Variants in ANKRD36B observed in about 807,000 individuals in gnomAD.
The protein encoded by ANKRD36B is ankyrin repeat domain-containing protein 36B.
A neutral mutation model predicts 135.7 loss-of-function variants in ANKRD36B; 37 were observed. The ratio of observed to expected loss-of-function variants is 0.27; its 90% confidence interval spans 0.21 to 0.36. ANKRD36B has a LOEUF of 0.36. Among genes scored for constraint, ANKRD36B ranks in the 10% least tolerant of loss-of-function variants. ANKRD36B has a pLI of 1.00. For synonymous variants in ANKRD36B, 179 were observed against 348.1 expected (o/e 0.51, Z 5.41); for missense variants, 549 against 1,037.1 (o/e 0.53, Z 6.46).
At chr2:97,545,319 C>T (rs560075542) in intron 24 of ANKRD36B, among the ~76,000 whole-genome samples, 1 of 95,358 alleles carries the variant, frequency 1.0e-5, no homozygotes, top group East Asian at 2.3e-4. Context: ...TACAATCTGA[C>T]ACCTCTAATA....
Position 97,529,690 on chromosome 2 carries a change from A to C in ANKRD36B, c.2265+2621T>G, listed in dbSNP as rs572830897. Among the ~76,000 whole-genome samples, 97 of 96,492 alleles carry C rather than the reference A, an allele frequency of 1.0e-3. 37 individuals carry two copies. Among genetic ancestry groups the C allele is most frequent in the South Asian group, 7.0e-4 (3 of 4,270 alleles). The allele number at this position is 96,492 out of a possible 152,430, so 63.3% of individuals were successfully genotyped here. Reference sequence around the variant, plus strand: ...AGCCCAAAATCTCCTTAAGCTGATCAGCAACTTCAGCAAAGTCTCAGGATA... The same window carrying C: ...AGCCCAAAATCTCCTTAAGCTGATCCGCAACTTCAGCAAAGTCTCAGGATA... On this transcript the variant is annotated intron_variant, in intron 35 of 43. Transcript: ENST00000359901.
intron 6 of ANKRD36B, among the ~76,000 whole-genome samples, chr2:97,563,384 C>T (rs2442259): frequency 1.3e-5 from 2 of 151,784 alleles, no homozygotes; most frequent in Non-Finnish European, 2.9e-5. Context: ...AATATTTTCA[C>T]TTGTAATGAA....
Position 97,578,907 on chromosome 2 carries a change from C to G in ANKRD36B, c.694G>C (p.Val232Leu), listed in dbSNP as rs1170777398. 1 of 1,612,518 alleles carries G rather than the reference C, an allele frequency of 6.2e-7. No homozygotes were observed. The highest frequency in any genetic ancestry group is 8.5e-7 in the Non-Finnish European group (1 of 1,178,954). Residue 232 changes from valine to leucine, a missense_variant and splice_region_variant, in exon 5 of 44, where the codon GTC becomes CTC. Physicochemically the swap from Val to Leu is conservative, Grantham distance 32. Coordinates refer to ENST00000359901, the MANE Select transcript of ANKRD36B (RefSeq NM_001393939.1). ...EDYASEAENR[V>L]IFDLIYEYKR... is the part of the protein sequence containing the mutation. ...TAGCCTTTTTACGTAAAGACTTACACTCTATTCTCAGCCTCACTGGCATAA... is the reference window on the plus strand; with the variant it reads ...TAGCCTTTTTACGTAAAGACTTACAGTCTATTCTCAGCCTCACTGGCATAA...
intron 1 of ANKRD36B, among the ~76,000 whole-genome samples, chr2:97,586,361 AG>A (rs2082994311): frequency 6.6e-6 from 1 of 151,804 alleles, no homozygotes; most frequent in Non-Finnish European, 1.5e-5. Context: ...TGGCAGTTAA[AG>A]GTTATCTTTC....
Position 97,566,885 on chromosome 2 carries a change from T to A in ANKRD36B, c.764-6025A>T, listed in dbSNP as rs568244645. Among the ~76,000 whole-genome samples, 3 of 152,230 alleles carry A rather than the reference T, an allele frequency of 2.0e-5. No homozygotes were observed. In the South Asian group the frequency reaches 6.2e-4, roughly 32 times the overall value. The stretch of plus-strand genomic sequence containing the variant: ...GCAACAAGCAAACAATCAATTCCTA[T>A]GGGTGCCCTGTAATTCTGGCACTAT... On this transcript the variant is annotated intron_variant, in intron 6 of 43. Transcript: ENST00000359901.
intron 43 of ANKRD36B, among the ~76,000 whole-genome samples, chr2:97,496,322 G>T (rs2077304572): frequency 1.0e-5 from 1 of 97,998 alleles, no homozygotes; most frequent in South Asian, 2.3e-4. Flanking sequence ...GGTTCATGAG[G>T]TTTAAGAAAA....
At chr2:97,586,295 ATTAGGTATT>A (rs1559254123) in intron 1 of ANKRD36B, among the ~76,000 whole-genome samples, 1 of 152,182 alleles carries the variant, frequency 6.6e-6, no homozygotes, top group Non-Finnish European at 1.5e-5. Context: ...TGTTATGTAA[ATTAGGTATT>A]TGCAATGATT....
intron 12 of ANKRD36B, among the ~76,000 whole-genome samples, chr2:97,555,579 G>A (rs908513538): frequency 3.0e-4 from 46 of 151,860 alleles, no homozygotes; most frequent in African/African-American, 1.0e-3. Context: ...ATACACCTGA[G>A]AATCAATGTC....
rs559241346 is a variant in ANKRD36B at position 97,547,459 on chromosome 2, C to T, written c.1579+77G>A. ...CAGAATGTGCAGCTTCAACGAGCCC[C>T]CCGCAGATTTATTCAGGGAAGAGAA... On this transcript the variant is annotated intron_variant, in intron 22 of 43. Coordinates refer to ENST00000359901, the MANE Select transcript of ANKRD36B (RefSeq NM_001393939.1). 2.9e-6 allele frequency: 4 copies of T among 1,397,962 alleles called. No individual in the cohort carries two copies. The African/African-American group carries it at 4.3e-5, about 15-fold the overall frequency. The allele number at this position is 1,397,962 out of a possible 1,614,324, so 86.6% of individuals were successfully genotyped here.
At chr2:97,545,779 T>A in intron 23 of ANKRD36B, 41 bp from the exon 24 acceptor site, 2 of 957,770 alleles carry the variant, frequency 2.1e-6, no homozygotes, top group Non-Finnish European at 3.2e-6. Context: ...AAATAAAGTA[T>A]ATTTCATAGA....
intron 34 of ANKRD36B, among the ~76,000 whole-genome samples, chr2:97,535,484 A>G (rs981963552): frequency 3.0e-5 from 2 of 67,424 alleles, no homozygotes; most frequent in Non-Finnish European, 7.2e-5. Context: ...ACAAAAAAAT[A>G]AAACACACAC....
In ANKRD36B at chr2:97,551,307, C is replaced by T; in HGVS notation, c.1357G>A (p.Gly453Arg). 6.4e-7 allele frequency: 1 copy of T among 1,569,108 alleles called. No homozygotes were observed. The highest frequency in any genetic ancestry group is 8.6e-7 in the Non-Finnish European group (1 of 1,160,438). The change falls in exon 18 of 44, where the codon GGA becomes AGA. Residue 453 changes from glycine (G) to arginine (R), a missense_variant. Gly to Arg is a moderately radical substitution (Grantham distance 125, BLOSUM62 -2). Transcript: ENST00000359901. ...FSNITREKKD[G>R]EISRTVSSQK... ...AAATTACCTGTCCTAGATATTTCTC[C>T]ATCCTTTTTTTCTCTGGTTATATTC...
At chr2:97,551,173 T>C in intron 18 of ANKRD36B, 116 bp downstream of exon 18, 1 of 1,374,806 alleles carries the variant, frequency 7.3e-7, no homozygotes, top group South Asian at 1.3e-5. Flanking sequence ...AAATGAAGAA[T>C]CTCAGGCCTG....
At chr2:97,560,882 T>A in intron 6 of ANKRD36B, 22 bp from the exon 7 acceptor site, 1 of 1,542,300 alleles carries the variant, frequency 6.5e-7, no homozygotes, top group Non-Finnish European at 8.8e-7. Flanking sequence ...AAGGGATACA[T>A]AATCAATCAT....
intron 6 of ANKRD36B, among the ~76,000 whole-genome samples, chr2:97,563,070 T>C (rs937951489): frequency 3.3e-5 from 5 of 152,076 alleles, no homozygotes; most frequent in African/African-American, 1.2e-4. Context: ...ACACAACACT[T>C]TGTGGAGCTA....
intron 14 of ANKRD36B, among the ~76,000 whole-genome samples, chr2:97,553,667 G>C (rs2080253716): frequency 6.6e-6 from 1 of 151,896 alleles, no homozygotes; most frequent in South Asian, 2.1e-4. Context: ...CATGACAAAT[G>C]CGATCAAAAA....
intron 10 of ANKRD36B, among the ~76,000 whole-genome samples, chr2:97,557,723 G>A (rs1187964901): frequency 6.6e-6 from 1 of 151,774 alleles, no homozygotes; most frequent in African/African-American, 2.4e-5. Context: ...AACCCATGTG[G>A]TGTAATAATG....
chr2:97,513,131 T>A (rs1445126644), intron 38 of ANKRD36B, 49 bp downstream of exon 38: 1 of 1,439,918 alleles, frequency 6.9e-7, no homozygotes, highest in Non-Finnish European at 9.1e-7. Context: ...ATGGTATAAG[T>A]AATATTAATA....
chr2:97,559,128 G>A (rs1007716856), intron 8 of ANKRD36B, 134 bp from the exon 9 acceptor site: 2 of 1,153,418 alleles, frequency 1.7e-6, no homozygotes, highest in Admixed American at 5.7e-5. Flanking sequence ...TCTACTTTTT[G>A]TCTGGAGACT....
Sources: gnomAD v4.1 joint callset for allele counts (sites outside exome capture counted in the v4.1 genomes callset) on GRCh38, gnomAD v4.1.1 for gene constraint, MANE v1.5 for transcripts, NCBI Gene and HGNC (gene_info 2026-07-23, HGNC 2026-07-21) for gene names.